Variants in NBEAL1 observed in about 807,000 individuals in gnomAD.
The protein encoded by NBEAL1 is neurobeachin-like protein 1.
A neutral mutation model predicts 351.3 loss-of-function variants in NBEAL1; 273 were observed. That is an observed-to-expected ratio of 0.78 (90% confidence interval 0.70 to 0.86). NBEAL1 has a LOEUF of 0.86. NBEAL1 is among the 40% of genes least tolerant of loss of function. The pLI is 0.00. For missense variants in NBEAL1, 2,961 were observed against 3,201.3 expected, an observed-to-expected ratio of 0.92 and a Z score of 1.81; for synonymous variants, 1,050 against 1,086.4, an observed-to-expected ratio of 0.97 and a Z score of 0.66.
chr2:203,018,753 T>G (rs995869281), intron 2 of NBEAL1, among the ~76,000 whole-genome samples: 1 of 152,178 alleles, frequency 6.6e-6, no homozygotes, highest in Admixed American at 6.5e-5. Context: ...AGTCACAGTT[T>G]ATGTATAACT....
chr2:203,024,615 A>G (rs1041160787), intron 2 of NBEAL1, among the ~76,000 whole-genome samples: 3 of 151,862 alleles, frequency 2.0e-5, no homozygotes, highest in Non-Finnish European at 4.4e-5. Flanking sequence ...CAGTTTACAT[A>G]TTATTGGCGG....
chr2:203,154,705 A>G lies in NBEAL1; in HGVS notation c.5588-2994A>G, dbSNP rs545876039. On this transcript the variant is annotated intron_variant, in intron 35 of 55. Transcript: ENST00000683969. ...TAAATTAGGGAATTTGAAGAGTGAA[A>G]AAGTAAATATATTCTTAAATGTATC... is the stretch of plus-strand genomic sequence containing the variant. Among the ~76,000 whole-genome samples, 116 of 152,246 alleles carry G rather than the reference A, an allele frequency of 7.6e-4. 1 individual carries two copies. In the East Asian group the frequency reaches 8.9e-3, roughly 12 times the overall value.
At chr2:203,049,750 A>G in intron 3 of NBEAL1, 64 bp from the exon 4 acceptor site, 1 of 1,389,278 alleles carries the variant, frequency 7.2e-7, no homozygotes, top group Non-Finnish European at 9.7e-7. Context: ...AAGTTCATTT[A>G]AATGCCAGAG....
intron 10 of NBEAL1, among the ~76,000 whole-genome samples, chr2:203,087,672 TTTC>T (rs1236553671): frequency 6.6e-6 from 1 of 152,232 alleles, no homozygotes; most frequent in African/African-American, 2.4e-5. Context: ...CTTGAAATAA[TTTC>T]TTTTCTGCTC....
intron 48 of NBEAL1, among the ~76,000 whole-genome samples, chr2:203,198,220 C>T (rs2065292819): frequency 6.6e-6 from 1 of 151,400 alleles, no homozygotes; most frequent in African/African-American, 2.4e-5. Context: ...GCCATGTTGC[C>T]CAGGTTGGTC....
intron 49 of NBEAL1, 74 bp downstream of exon 49, chr2:203,199,521 G>T: frequency 2.2e-5 from 15 of 694,920 alleles, no homozygotes; most frequent in South Asian, 8.2e-5. Flanking sequence ...TAGATTAATT[G>T]ATTCATTTAT....
intron 12 of NBEAL1, among the ~76,000 whole-genome samples, chr2:203,105,686 G>C (rs1258411870): frequency 1.3e-5 from 2 of 152,108 alleles, no homozygotes; most frequent in Non-Finnish European, 2.9e-5. Context: ...CTTAATATAA[G>C]AATGAGGTTA....
intron 31 of NBEAL1, among the ~76,000 whole-genome samples, chr2:203,144,165 C>A (rs996194342): frequency 1.5e-5 from 2 of 130,272 alleles, no homozygotes; most frequent in African/African-American, 5.8e-5. Context: ...GAGCCGAGAT[C>A]AAGCCATTGC....
chr2:203,108,156 T>A lies in NBEAL1; in HGVS notation c.1917T>A (p.Ala639=). The change falls in exon 14 of 56, where the codon GCT becomes GCA. Residue 639 remains alanine, a synonymous_variant. Transcript: ENST00000683969. ...LDQDQLTLGI[A]NKGGKRKQLY... ...AGGATCAGTTGACTCTTGGCATTGC[T>A]AACAAAGGAGGGAAAAGGAAACAAT... is the stretch of plus-strand genomic sequence containing the variant. 6.4e-7 allele frequency: 1 copy of A among 1,550,800 alleles called. No homozygotes were observed. Among genetic ancestry groups the A allele is most frequent in the Non-Finnish European group, 8.7e-7 (1 of 1,146,292 alleles).
In NBEAL1 at chr2:203,220,241, T is replaced by C. The variant is rs1344831426; in HGVS notation, c.*2887T>C. Among the ~76,000 whole-genome samples, 2 of 152,122 alleles carry C rather than the reference T, an allele frequency of 1.3e-5. No individual in the cohort carries two copies. Among genetic ancestry groups the C allele is most frequent in the African/African-American group, 2.4e-5 (1 of 41,428 alleles). ...TGGCTCACGCCTATAATCCCAGCTC[T>C]TTGGGAGGCCGAGGTGGGCGGATCA... On this transcript the variant is annotated 3_prime_UTR_variant, in exon 56 of 56. Coordinates refer to ENST00000683969, the MANE Select transcript of NBEAL1 (RefSeq NM_001378026.1).
rs2061522845 is a variant in NBEAL1, at chr2:203,062,875, C to A, written c.515+5422C>A. Among the ~76,000 whole-genome samples, 2 of 152,012 alleles carry A rather than the reference C, an allele frequency of 1.3e-5. No homozygotes were observed. Among genetic ancestry groups the A allele is most frequent in the African/African-American group, 2.4e-5 (1 of 41,382 alleles). ...TCATGGAAGACCTATACAAAGGGAT[C>A]TACAGCAATAATTTACACCTTATTT... On this transcript the variant is annotated intron_variant, in intron 6 of 55. Transcript: ENST00000683969. The surrounding 1 kb of genome is among the most constrained non-coding windows in gnomAD (Gnocchi z 4.2).
chr2:203,151,840 A>C (rs1403415231), intron 35 of NBEAL1, among the ~76,000 whole-genome samples: 2 of 152,228 alleles, frequency 1.3e-5, no homozygotes, highest in Non-Finnish European at 2.9e-5. Flanking sequence ...ACTGTACTTC[A>C]TATCAACTGT....
chr2:203,033,806 C>G (rs999819039), intron 2 of NBEAL1, among the ~76,000 whole-genome samples: 1 of 152,202 alleles, frequency 6.6e-6, no homozygotes, highest in Non-Finnish European at 1.5e-5. Context: ...CATTTCCACA[C>G]TGGAATGATA....
At chr2:203,097,488 T>C in intron 10 of NBEAL1, 59 bp from the exon 11 acceptor site, 1 of 669,096 alleles carries the variant, frequency 1.5e-6, no homozygotes, top group Non-Finnish European at 1.9e-6. Context: ...GCTTCATTGC[T>C]GCTTATAGGT....
At chr2:203,204,625 T>C (rs1440812267) in intron 51 of NBEAL1, among the ~76,000 whole-genome samples, 1 of 152,184 alleles carries the variant, frequency 6.6e-6, no homozygotes, top group Non-Finnish European at 1.5e-5. Context: ...TTATAGTTAT[T>C]TATTTACAGA....
intron 25 of NBEAL1, 40 bp from the exon 26 acceptor site, chr2:203,131,931 CTT>C: frequency 2.2e-6 from 3 of 1,360,952 alleles, no homozygotes; most frequent in Non-Finnish European, 2.9e-6. Flanking sequence ...ACAAACTATT[CTT>C]AATTTTCTAT....
Position 203,218,960 on chromosome 2 carries a change from T to A in NBEAL1, c.*1606T>A, listed in dbSNP as rs973988786. ...ACAACAATTGTAAAATAGAACATAT[T>A]TAAATGTCAAGGTGTCTTTTCTTAA... On this transcript the variant is annotated 3_prime_UTR_variant, in exon 56 of 56. Transcript: ENST00000683969. 2.0e-5 allele frequency: 3 copies of A among 152,168 alleles called. No individual in the cohort carries two copies. The highest frequency in any genetic ancestry group is 2.9e-5 in the Non-Finnish European group (2 of 68,030). The allele number at this position is 152,168 out of a possible 1,614,324, so 9.4% of individuals were successfully genotyped here.
At chr2:203,173,281 T>A (rs529437759) in intron 41 of NBEAL1, among the ~76,000 whole-genome samples, 1 of 152,268 alleles carries the variant, frequency 6.6e-6, no homozygotes, top group Non-Finnish European at 1.5e-5. Flanking sequence ...AGAGAGAATG[T>A]GTGGCAATTT....
rs369596206 is a variant in NBEAL1 at position 203,041,169 on chromosome 2, A to G, written c.52-596A>G. Among the ~76,000 whole-genome samples the G allele has an allele frequency of 3.3e-5, 5 of 152,256 alleles. 1 individual carries two copies. The highest frequency in any genetic ancestry group is 1.9e-4 in the East Asian group (1 of 5,186). ...GGAGTCCTGCTTTGTTGCATTTTCT[A>G]TCCTAGGGTTTATTGTTGGTAAATG... On this transcript the variant is annotated intron_variant, in intron 2 of 55. Coordinates refer to ENST00000683969, the MANE Select transcript of NBEAL1 (RefSeq NM_001378026.1).
Sources: allele counts gnomAD v4.1 joint callset (sites outside exome capture counted in the v4.1 genomes callset), GRCh38; gene constraint gnomAD v4.1.1; non-coding constraint Gnocchi (gnomAD v3.1); transcripts MANE v1.5; gene names NCBI Gene and HGNC (gene_info 2026-07-23, HGNC 2026-07-21).